The following PACC1 variants were observed in gnomAD, a reference collection of about 807,000 sequenced individuals.
PACC1 encodes the protein proton-activated chloride channel.
A neutral mutation model predicts 39.7 loss-of-function variants in PACC1; 34 were observed. The observed-to-expected ratio is 0.86, with a 90% confidence interval of 0.65 to 1.14. The LOEUF is 1.14. Among genes scored for constraint, PACC1 ranks in the 50% most tolerant of loss-of-function variants. The probability of loss-of-function intolerance (pLI) is 0.00; values close to 1 mark genes in which losing one functional copy is unlikely to be tolerated. For missense variants in PACC1, 379 were observed against 436.4 expected, an observed-to-expected ratio of 0.87 and a Z score of 1.17; for synonymous variants, 127 against 160.6, an observed-to-expected ratio of 0.79 and a Z score of 1.58.
intron 7 of PACC1, among the ~76,000 whole-genome samples, chr1:212,373,079 G>A (rs1660518454): frequency 6.6e-6 from 1 of 152,062 alleles, no homozygotes; most frequent in Non-Finnish European, 1.5e-5. Context: ...CAAAGCTGAA[G>A]GCATCACACT....
At chr1:212,373,989 A>C (rs1475226466) in intron 7 of PACC1, among the ~76,000 whole-genome samples, 1 of 151,792 alleles carries the variant, frequency 6.6e-6, no homozygotes, top group Non-Finnish European at 1.5e-5. Context: ...GAACTACCAT[A>C]TGATCCAGCA....
At chr1:212,411,267 G>A (rs1474221971) in intron 1 of PACC1, among the ~76,000 whole-genome samples, 1 of 152,210 alleles carries the variant, frequency 6.6e-6, no homozygotes, top group East Asian at 1.9e-4. Flanking sequence ...CAAAGGAAGA[G>A]GAAATACGGC....
At chr1:212,370,325 C>T (rs1481759862) in intron 7 of PACC1, among the ~76,000 whole-genome samples, 2 of 152,150 alleles carry the variant, frequency 1.3e-5, no homozygotes, top group Admixed American at 6.5e-5. Context: ...AAAAATTAGC[C>T]GGGCCTGGTG....
At chr1:212,384,946 T>C (rs1044351859) in intron 4 of PACC1, among the ~76,000 whole-genome samples, 2 of 152,248 alleles carry the variant, frequency 1.3e-5, no homozygotes, top group African/African-American at 4.8e-5. Context: ...TTCTGTCAAG[T>C]GGTCAGGTAT....
At chr1:212,376,214 G>A (rs757121261) in intron 6 of PACC1, among the ~76,000 whole-genome samples, 7 of 152,066 alleles carry the variant, frequency 4.6e-5, no homozygotes, top group Admixed American at 6.6e-5. Flanking sequence ...ATCCATCATC[G>A]AAGCTGAGCC....
chr1:212,404,332 T>G (rs1451344389), intron 2 of PACC1, among the ~76,000 whole-genome samples: 2 of 151,070 alleles, frequency 1.3e-5, no homozygotes, highest in African/African-American at 4.9e-5. Context: ...GGTGTCGATC[T>G]CCTGACCTCG....
intron 1 of PACC1, 123 bp from the exon 2 acceptor site, chr1:212,410,644 G>C: frequency 1.2e-6 from 1 of 850,900 alleles, no homozygotes; most frequent in African/African-American, 1.7e-5. Context: ...ATGACATAGA[G>C]TGTGTTACAG....
chr1:212,386,661 C>A lies in PACC1; in HGVS notation c.343+230G>T, dbSNP rs1661110603. On this transcript the variant is annotated intron_variant, in intron 3 of 7. Transcript: ENST00000261455. The surrounding 1 kb of genome is among the most constrained non-coding windows in gnomAD (Gnocchi z 5.0). ...ACCTCTCTGCCAAGCTTTCCCTGAC[C>A]CCTCTAGTAGCCTGCAGTAGCTGCT... Among the ~76,000 whole-genome samples the A allele has an allele frequency of 1.3e-5, 2 of 152,180 alleles. No homozygotes were observed. Among genetic ancestry groups the A allele is most frequent in the East Asian group, 1.9e-4 (1 of 5,202 alleles).
intron 4 of PACC1, among the ~76,000 whole-genome samples, chr1:212,382,848 G>A (rs189152715): frequency 1.8e-3 from 270 of 152,312 alleles, no homozygotes; most frequent in Non-Finnish European, 2.6e-3. Context: ...GAAGCTCCCA[G>A]GGGACGAGGC....
chr1:212,394,370 T>C (rs1661436324), intron 2 of PACC1, among the ~76,000 whole-genome samples: 2 of 152,198 alleles, frequency 1.3e-5, no homozygotes, highest in African/African-American at 4.8e-5. Context: ...GAAAAGGCCT[T>C]TGACAAAATT....
At chr1:212,367,517 C>G (rs994781824) in intron 7 of PACC1, among the ~76,000 whole-genome samples, 9 of 152,222 alleles carry the variant, frequency 5.9e-5, no homozygotes, top group Non-Finnish European at 1.2e-4. Context: ...GGGAGGAAAC[C>G]AAGTCTGGGC....
chr1:212,393,370 G>C (rs1661397880), intron 2 of PACC1, among the ~76,000 whole-genome samples: 1 of 152,204 alleles, frequency 6.6e-6, no homozygotes, highest in South Asian at 2.1e-4. Flanking sequence ...CAGAAATAAA[G>C]ATGTTCTTTG....
chr1:212,410,640 T>C (rs1662091822), intron 1 of PACC1, 119 bp from the exon 2 acceptor site: 1 of 890,648 alleles, frequency 1.1e-6, no homozygotes, highest in Non-Finnish European at 1.9e-6. Context: ...CCACATGACA[T>C]AGAGTGTGTT....
chr1:212,377,003 A>G (rs1214729524), intron 6 of PACC1: 1 of 152,454 alleles, frequency 6.6e-6, no homozygotes, highest in Non-Finnish European at 1.5e-5. Context: ...ATAGTATGTT[A>G]TATCACCTGC....
At chr1:212,404,336 G>A (rs987926277) in intron 2 of PACC1, among the ~76,000 whole-genome samples, 61 of 150,362 alleles carry the variant, frequency 4.1e-4, no homozygotes, top group African/African-American at 1.3e-3. Context: ...TCGATCTCCT[G>A]ACCTCGTGAT....
intron 2 of PACC1, among the ~76,000 whole-genome samples, chr1:212,407,530 G>A (rs1046582472): frequency 1.3e-5 from 2 of 152,210 alleles, no homozygotes; most frequent in South Asian, 4.1e-4. Context: ...GTTCTCCCGG[G>A]AGCCTTAGGG....
At chr1:212,366,977 T>C (rs893632558) in intron 7 of PACC1, among the ~76,000 whole-genome samples, 2 of 152,222 alleles carry the variant, frequency 1.3e-5, no homozygotes, top group Admixed American at 6.5e-5. Flanking sequence ...TCAGGATATA[T>C]TATGATGACA....
intron 2 of PACC1, among the ~76,000 whole-genome samples, chr1:212,397,734 G>A (rs1661575253): frequency 6.6e-6 from 1 of 152,230 alleles, no homozygotes; most frequent in Non-Finnish European, 1.5e-5. Flanking sequence ...AGAATGGGAA[G>A]CACAGGGAGA....
At position 212,386,806 on chromosome 1, in the gene PACC1, CA is replaced by C; in HGVS notation, c.343+84del. 1 of 1,387,796 alleles carries C rather than the reference CA, an allele frequency of 7.2e-7. No homozygotes were observed. Among genetic ancestry groups the C allele is most frequent in the Non-Finnish European group, 1.0e-6 (1 of 983,150 alleles). 86.0% of individuals were successfully genotyped at this position (1,387,796 alleles called of 1,614,324 possible). A position where few individuals can be genotyped will look rare whatever the true frequency, so the allele number is the denominator to read the frequency against. On this transcript the variant is annotated intron_variant, in intron 3 of 7. Coordinates refer to ENST00000261455, the MANE Select transcript of PACC1 (RefSeq NM_018252.3). The surrounding 1 kb of genome is among the most constrained non-coding windows in gnomAD (Gnocchi z 5.0). ...CTCCTCTGCCCTGCCCGTAGTACCA[CA>C]AATACAACGGCAGCTCAGGGAGTAT...
Sources: allele counts gnomAD v4.1 joint callset (sites outside exome capture counted in the v4.1 genomes callset), GRCh38; gene constraint gnomAD v4.1.1; non-coding constraint Gnocchi (gnomAD v3.1); transcripts MANE v1.5; gene names NCBI Gene and HGNC (gene_info 2026-07-23, HGNC 2026-07-21).